SYNPO2: variants seen among roughly 807,000 people sequenced by gnomAD.
SYNPO2 encodes synaptopodin 2.
In SYNPO2, 56 loss-of-function variants were observed where a neutral mutation model predicts 85.0. The ratio of observed to expected loss-of-function variants is 0.66; its 90% confidence interval spans 0.53 to 0.82. SYNPO2 has a LOEUF of 0.82. SYNPO2 is among the 40% of genes least tolerant of loss of function. The probability of loss-of-function intolerance (pLI) is 0.00; values close to 1 mark genes in which losing one functional copy is unlikely to be tolerated. For synonymous variants in SYNPO2, 602 were observed against 591.1 expected (o/e 1.02, Z -0.27); for missense variants, 1,575 against 1,534.2 (o/e 1.03, Z -0.44).
intron 1 of SYNPO2, among the ~76,000 whole-genome samples, chr4:118,876,669 CTTTCTTTCTTTCTTTCTTTCTTTCTT>C (rs1406749465): frequency 9.8e-3 from 29 of 2,974 alleles, no homozygotes; most frequent in Non-Finnish European, 0.017. Flanking sequence ...CTTCCTTTCT[CTTTCTTTCTTTCTTTCTTTCTTTCTT>C]TCTTTCTTTC....
intron 1 of SYNPO2, among the ~76,000 whole-genome samples, chr4:118,929,378 A>G (rs1733842949): frequency 6.6e-6 from 1 of 152,146 alleles, no homozygotes; most frequent in South Asian, 2.1e-4. Context: ...CTAAATTTAT[A>G]TCAACATAAA....
At chr4:119,024,989 T>C (rs1369779938) in intron 2 of SYNPO2, among the ~76,000 whole-genome samples, 1 of 152,228 alleles carries the variant, frequency 6.6e-6, no homozygotes, top group African/African-American at 2.4e-5. Context: ...TTAAAAATTC[T>C]ATAATTGTGA....
chr4:118,937,201 C>T (rs1051784969), intron 1 of SYNPO2, among the ~76,000 whole-genome samples: 1 of 152,198 alleles, frequency 6.6e-6, no homozygotes, highest in Non-Finnish European at 1.5e-5. Flanking sequence ...TTTTGCAAGG[C>T]CCCGCCTACA....
At chr4:118,990,465 C>T (rs1328189914) in intron 1 of SYNPO2, among the ~76,000 whole-genome samples, 4 of 152,108 alleles carry the variant, frequency 2.6e-5, no homozygotes, top group Non-Finnish European at 4.4e-5. Flanking sequence ...AATATTGTGC[C>T]AGATGCTGGG....
At chr4:119,047,733 G>T (rs1578676207) in intron 4 of SYNPO2, among the ~76,000 whole-genome samples, 1 of 152,324 alleles carries the variant, frequency 6.6e-6, no homozygotes, top group African/African-American at 2.4e-5. Flanking sequence ...TAGGTAAAGG[G>T]ATTCTATATC....
chr4:118,993,224 GTGTT>G (rs944703652), intron 1 of SYNPO2, among the ~76,000 whole-genome samples: 1 of 152,114 alleles, frequency 6.6e-6, no homozygotes, highest in African/African-American at 2.4e-5. Flanking sequence ...GTATTTGTGT[GTGTT>G]TGTGTGCACG....
intron 4 of SYNPO2, among the ~76,000 whole-genome samples, chr4:119,054,266 G>A (rs934768496): frequency 7.2e-5 from 11 of 152,208 alleles, no homozygotes; most frequent in Admixed American, 5.2e-4. Context: ...TAGTTCTGCC[G>A]TCCACAGACG....
intron 1 of SYNPO2, among the ~76,000 whole-genome samples, chr4:118,879,368 G>A (rs1445711459): frequency 1.3e-5 from 2 of 152,174 alleles, no homozygotes; most frequent in African/African-American, 4.8e-5. Context: ...AAATTCATAT[G>A]TTGAATCCTA....
rs540270362 is a variant in SYNPO2 at position 118,922,617 on chromosome 4, A to C, written c.105+33476A>C. On this transcript the variant is annotated intron_variant, in intron 1 of 4. Transcript: ENST00000307142. ...ACTTATATATTCTACTGGAACCTACATGTTTATAAAAAGGGACACATATCA... is the reference window on the plus strand; with the variant it reads ...ACTTATATATTCTACTGGAACCTACCTGTTTATAAAAAGGGACACATATCA... Among the ~76,000 whole-genome samples the C allele has an allele frequency of 5.9e-5, 9 of 151,838 alleles. No homozygotes were observed. The East Asian group carries it at 1.7e-3, about 29-fold the overall frequency.
At chr4:118,963,005 A>G (rs1367507286) in intron 1 of SYNPO2, among the ~76,000 whole-genome samples, 2 of 152,236 alleles carry the variant, frequency 1.3e-5, no homozygotes, top group East Asian at 1.9e-4. Context: ...ATTTTGTCCC[A>G]TAATATGAAG....
chr4:118,880,532 G>A (rs373125834), intron 1 of SYNPO2, among the ~76,000 whole-genome samples: 17 of 151,628 alleles, frequency 1.1e-4, no homozygotes, highest in Admixed American at 4.6e-4. Context: ...GTTGGATCAC[G>A]AGGTCAGGAG....
At chr4:118,977,386 GC>G (rs1735827060) in intron 1 of SYNPO2, among the ~76,000 whole-genome samples, 1 of 152,222 alleles carries the variant, frequency 6.6e-6, no homozygotes, top group Non-Finnish European at 1.5e-5. Context: ...ACTCCAGCTG[GC>G]CCGCAAGCGC....
intron 4 of SYNPO2, among the ~76,000 whole-genome samples, chr4:119,039,327 C>T (rs1302548423): frequency 6.6e-6 from 1 of 152,092 alleles, no homozygotes; most frequent in Non-Finnish European, 1.5e-5. Flanking sequence ...TATACTACCT[C>T]CCCTGATTGC....
intron 1 of SYNPO2, among the ~76,000 whole-genome samples, chr4:118,904,431 C>T (rs547158078): frequency 1.1e-3 from 167 of 152,244 alleles, no homozygotes; most frequent in African/African-American, 3.9e-3. Context: ...CTCACATTTG[C>T]TGAATAACCT....
intron 1 of SYNPO2, among the ~76,000 whole-genome samples, chr4:118,851,957 T>C (rs553488632): frequency 1.3e-5 from 2 of 152,296 alleles, no homozygotes; most frequent in East Asian, 1.9e-4. Context: ...AGTTTTTTTT[T>C]TCCCTAGAGG....
rs573225262 is a variant in SYNPO2 at position 119,019,680 on chromosome 4, G to A, written c.106-3750G>A. ...TCTAATCCTGATTAAACATCTAGAC[G>A]ATAAAATTTATTAGCACCATTTTAC... On this transcript the variant is annotated intron_variant, in intron 1 of 4. Coordinates refer to ENST00000307142, the MANE Select transcript of SYNPO2 (RefSeq NM_133477.3). Among the ~76,000 whole-genome samples the A allele has an allele frequency of 6.6e-5, 10 of 152,170 alleles. No homozygotes were observed. The South Asian group carries it at 1.5e-3, about 22-fold the overall frequency.
intron 1 of SYNPO2, among the ~76,000 whole-genome samples, chr4:118,911,369 C>A (rs1223598789): frequency 6.6e-6 from 1 of 152,110 alleles, no homozygotes; most frequent in Non-Finnish European, 1.5e-5. Flanking sequence ...CAAGGAATTT[C>A]TCTGCTTCTC....
intron 1 of SYNPO2, among the ~76,000 whole-genome samples, chr4:118,978,776 G>C (rs1735887718): frequency 6.9e-6 from 1 of 144,840 alleles, no homozygotes. Flanking sequence ...TATTTCATGT[G>C]AAATACTCCT....
intron 1 of SYNPO2, among the ~76,000 whole-genome samples, chr4:118,931,767 C>G (rs1274631587): frequency 6.6e-6 from 1 of 152,150 alleles, no homozygotes; most frequent in East Asian, 1.9e-4. Flanking sequence ...TAAATTGAAT[C>G]AAGAGCTCTT....
Sources: gnomAD v4.1 joint callset for allele counts (sites outside exome capture counted in the v4.1 genomes callset) on GRCh38, gnomAD v4.1.1 for gene constraint, MANE v1.5 for transcripts, NCBI Gene and HGNC (gene_info 2026-07-23, HGNC 2026-07-21) for gene names.